The following SLC5A4 variants were observed in gnomAD, a reference collection of about 807,000 sequenced individuals.
SLC5A4 encodes solute carrier family 5 member 4.
In SLC5A4, 55 loss-of-function variants were observed where a neutral mutation model predicts 70.3. The observed-to-expected ratio is 0.78, with a 90% CI of 0.63 to 0.98. SLC5A4 has a LOEUF of 0.98. SLC5A4 is among the 50% of genes least tolerant of loss of function. The pLI, the probability that SLC5A4 is intolerant of heterozygous loss-of-function variation, is 0.00. For synonymous variants in SLC5A4, 268 were observed against 305.7 expected, an observed-to-expected ratio of 0.88 and a Z score of 1.29; for missense variants, 735 against 839.2, an observed-to-expected ratio of 0.88 and a Z score of 1.53.
chr22:32,294,601 A>G, the SLC5A4 span, among the ~76,000 whole-genome samples: 1 of 127,734 alleles, frequency 7.8e-6, no homozygotes, highest in African/African-American at 2.9e-5. Context: ...ATTAATATTA[A>G]TATGGTACCC....
chr22:32,277,807 CAA>C, the SLC5A4 span, among the ~76,000 whole-genome samples: 1 of 152,200 alleles, frequency 6.6e-6, no homozygotes, highest in Non-Finnish European at 1.5e-5. Context: ...CTCGGCCTCC[CAA>C]AGTGCTGAGA....
intron 4 of SLC5A4, 31 bp downstream of exon 4, chr22:32,248,712 G>A (rs1926973195): frequency 6.7e-7 from 1 of 1,485,004 alleles, no homozygotes; most frequent in South Asian, 1.1e-5. Context: ...GCCTAGAACT[G>A]AACTCTGGCA....
the SLC5A4 span, among the ~76,000 whole-genome samples, chr22:32,335,375 A>C: frequency 1.3e-5 from 2 of 152,170 alleles, no homozygotes; most frequent in African/African-American, 2.4e-5. Context: ...AGCTGTGAGT[A>C]AGCCCTGAGC....
intron 5 of SLC5A4, among the ~76,000 whole-genome samples, chr22:32,245,491 C>G (rs898085472): frequency 4.6e-5 from 7 of 152,182 alleles, no homozygotes; most frequent in African/African-American, 1.2e-4. Context: ...TGCCTTCATG[C>G]CTTCTCATGC....
At chr22:32,251,922 C>A in intron 2 of SLC5A4, 48 bp from the exon 3 acceptor site, 3 of 1,389,708 alleles carry the variant, frequency 2.2e-6, no homozygotes, top group Non-Finnish European at 2.0e-6. Flanking sequence ...AGATCCAAAT[C>A]AGACTTCTTG....
rs750742760 is a variant in SLC5A4 at position 32,248,726 on chromosome 22, T to C, written c.372+17A>G. 6.3e-7 allele frequency: 1 copy of C among 1,580,116 alleles called. No individual in the cohort carries two copies. The highest frequency in any genetic ancestry group is 8.7e-7 in the Non-Finnish European group (1 of 1,149,120). ...TGCCTAGAACTGAACTCTGGCATTT[T>C]GGTAACAGATACTCACCCCCGACTT... On this transcript the variant is annotated intron_variant, in intron 4 of 14. Coordinates refer to ENST00000266086, the MANE Select transcript of SLC5A4 (RefSeq NM_014227.3).
the SLC5A4 span, among the ~76,000 whole-genome samples, chr22:32,312,389 A>ACACATG: frequency 1.3e-5 from 2 of 151,952 alleles, no homozygotes; most frequent in East Asian, 3.9e-4. Context: ...ACACACACGC[A>ACACATG]CATTCAATAT....
chr22:32,269,387 C>T, the SLC5A4 span: 1 of 439,926 alleles, frequency 2.3e-6, no homozygotes. This position sits in a 1 kb window ranked among gnomAD's most constrained non-coding sequence, Gnocchi z 4.1. Context: ...TAGAAGCTAC[C>T]TCATCGATGT....
At chr22:32,268,659 T>C in the SLC5A4 span, 1 of 152,344 alleles carries the variant, frequency 6.6e-6, no homozygotes, top group African/African-American at 2.4e-5. Context: ...CCATTAAATA[T>C]GGGCATAGGC....
chr22:32,264,064 G>T, the SLC5A4 span, among the ~76,000 whole-genome samples: 3 of 151,022 alleles, frequency 2.0e-5, no homozygotes, highest in Non-Finnish European at 4.4e-5. Context: ...GAGAGGGAGA[G>T]CATTAGGAGA....
At chr22:32,347,537 G>A in the SLC5A4 span, among the ~76,000 whole-genome samples, 1 of 151,982 alleles carries the variant, frequency 6.6e-6, no homozygotes, top group African/African-American at 2.4e-5. Context: ...AAAAAATGAT[G>A]AGTTCATGTC....
chr22:32,298,925 G>T, the SLC5A4 span, among the ~76,000 whole-genome samples: 45 of 103,148 alleles, frequency 4.4e-4, no homozygotes, highest in African/African-American at 1.1e-3. Context: ...GCTTAGTTTG[G>T]CTGGATATGA....
chr22:32,236,062 C>A (rs1169541401), intron 7 of SLC5A4, among the ~76,000 whole-genome samples: 1 of 152,140 alleles, frequency 6.6e-6, no homozygotes, highest in Non-Finnish European at 1.5e-5. Context: ...GACCCTAATG[C>A]CAGAGAGTGC....
At chr22:32,324,055 C>T in the SLC5A4 span, among the ~76,000 whole-genome samples, 1 of 152,144 alleles carries the variant, frequency 6.6e-6, no homozygotes, top group African/African-American at 2.4e-5. Context: ...GGGGATACAC[C>T]TCCGTTTGGG....
chr22:32,272,230 T>C, the SLC5A4 span: 1 of 776,892 alleles, frequency 1.3e-6, no homozygotes. Flanking sequence ...ATCATGGATG[T>C]GACTGAGGTG....
At chr22:32,242,529 G>A (rs2413090) in intron 5 of SLC5A4, among the ~76,000 whole-genome samples, 17,276 of 152,044 alleles carry the variant, frequency 0.11, 1,339 homozygotes, top group African/African-American at 0.22. Flanking sequence ...CAAGCATGGC[G>A]AAACCCTATC....
the SLC5A4 span, among the ~76,000 whole-genome samples, chr22:32,295,507 G>T: frequency 2.7e-5 from 3 of 109,180 alleles, no homozygotes; most frequent in African/African-American, 1.0e-4. Flanking sequence ...TTTTGATGGG[G>T]TTTTTTTCTT....
intron 5 of SLC5A4, among the ~76,000 whole-genome samples, chr22:32,244,307 C>T (rs1355330165): frequency 6.6e-6 from 1 of 152,138 alleles, no homozygotes; most frequent in Non-Finnish European, 1.5e-5. Flanking sequence ...TCTGCCTCTG[C>T]CTGCATTTAT....
the SLC5A4 span, among the ~76,000 whole-genome samples, chr22:32,353,823 C>T: frequency 1.3e-5 from 2 of 151,612 alleles, no homozygotes; most frequent in Non-Finnish European, 2.9e-5. Flanking sequence ...CGAATAGTGC[C>T]CCCAACCAGA....
Sources: gnomAD v4.1 joint callset for allele counts (sites outside exome capture counted in the v4.1 genomes callset) on GRCh38, gnomAD v4.1.1 for gene constraint, Gnocchi (gnomAD v3.1) non-coding constraint, MANE v1.5 for transcripts, NCBI Gene and HGNC (gene_info 2026-07-23, HGNC 2026-07-21) for gene names.